The following RAB2A variants were observed in gnomAD, a reference collection of about 807,000 sequenced individuals.
RAB2A encodes RAB2A, member RAS oncogene family.
A neutral mutation model predicts 32.5 loss-of-function variants in RAB2A; 7 were observed. That is an observed-to-expected ratio of 0.22 (90% CI 0.12 to 0.40). The LOEUF (loss-of-function observed/expected upper bound fraction) is 0.40. Ranked by LOEUF, RAB2A falls within the 10% of genes least tolerant of loss-of-function variation. RAB2A has a pLI of 1.00. For missense variants in RAB2A, 108 were observed against 260.7 expected (o/e 0.41, Z 4.03); for synonymous variants, 79 against 85.2 (o/e 0.93, Z 0.40).
rs545920042 is a variant in RAB2A, at chr8:60,610,983, A to G, written c.475-7597A>G. 5.3e-5 allele frequency among the ~76,000 whole-genome samples: 8 copies of G among 152,218 alleles called. No individual in the cohort carries two copies. In the South Asian group the frequency reaches 1.4e-3, roughly 28 times the overall value. On this transcript the variant is annotated intron_variant, in intron 6 of 7. Coordinates refer to ENST00000262646, the MANE Select transcript of RAB2A (RefSeq NM_002865.3). ...ATTTTCTTCCTTTTTAATTTATCTC[A>G]ATTCATGGTATACCCTTTTATCTCA...
chr8:60,594,975 AAGAACTATCAGCCC>A (rs1468112325), intron 6 of RAB2A, among the ~76,000 whole-genome samples: 1 of 152,252 alleles, frequency 6.6e-6, no homozygotes, highest in African/African-American at 2.4e-5. Context: ...GCAGAAAGAA[AAGAACTATCAGCCC>A]AGAATTCTTT....
intron 1 of RAB2A, among the ~76,000 whole-genome samples, chr8:60,533,173 T>C (rs1403137954): frequency 6.6e-6 from 1 of 152,238 alleles, no homozygotes; most frequent in Non-Finnish European, 1.5e-5. Context: ...TTGATTCATA[T>C]GAGTCAGATA....
chr8:60,570,043 A>T (rs756695715), intron 2 of RAB2A: 1 of 456,162 alleles, frequency 2.2e-6, no homozygotes, highest in Non-Finnish European at 4.4e-6. Flanking sequence ...ATCTGCTCGG[A>T]TGGAATGGTC....
chr8:60,516,971 C>T (rs1480569428), upstream of RAB2A: 3 of 414,220 alleles, frequency 7.2e-6, no homozygotes, highest in South Asian at 5.2e-5. Context: ...GGGGCGGAGG[C>T]GCCGCGGCGG....
At chr8:60,616,032 G>A (rs1316374387) in intron 6 of RAB2A, among the ~76,000 whole-genome samples, 1 of 152,136 alleles carries the variant, frequency 6.6e-6, no homozygotes, top group African/African-American at 2.4e-5. Context: ...GAACGACCAA[G>A]TAATGTAGCA....
At position 60,522,852 on chromosome 8, in the gene RAB2A, GTTTGTTTAAAAAAAAAAAT is replaced by G. The variant is rs927078530; in HGVS notation, c.46+5600_46+5618del. Among the ~76,000 whole-genome samples the G allele has an allele frequency of 8.6e-5, 13 of 151,646 alleles. 1 individual carries two copies. The South Asian group carries it at 1.2e-3, about 15-fold the overall frequency. On this transcript the variant is annotated intron_variant, in intron 1 of 7. Coordinates refer to ENST00000262646, the MANE Select transcript of RAB2A (RefSeq NM_002865.3). Reference sequence around the variant, plus strand: ...TTAGATTCTTGTGAATCACTGGAGTGTTTGTTTAAAAAAAAAAATATTCAGCAGCCCAACCCCTAGAGAT... The same window carrying G: ...TTAGATTCTTGTGAATCACTGGAGTGATTCAGCAGCCCAACCCCTAGAGAT...
intron 1 of RAB2A, among the ~76,000 whole-genome samples, chr8:60,533,758 A>G (rs1272106750): frequency 1.3e-5 from 2 of 152,100 alleles, no homozygotes; most frequent in African/African-American, 4.8e-5. Flanking sequence ...ATAGCTTGAG[A>G]TCAGGAGTTC....
In RAB2A at chr8:60,559,906, TATTA is replaced by T. The variant is rs576100211; in HGVS notation, c.118+990_118+993del. Among the ~76,000 whole-genome samples, 29 of 152,374 alleles carry T rather than the reference TATTA, an allele frequency of 1.9e-4. No individual in the cohort carries two copies. The South Asian group carries it at 5.6e-3, about 29-fold the overall frequency. Reference sequence around the variant, plus strand: ...CAGAGATAGAGCTCATGAATCACATTATTAATTAATAGTTTTCAACCAAGCTACA... The same window carrying T: ...CAGAGATAGAGCTCATGAATCACATTATTAATAGTTTTCAACCAAGCTACA... On this transcript the variant is annotated intron_variant, in intron 2 of 7. Transcript: ENST00000262646.
At chr8:60,556,981 T>G (rs1473197177) in intron 1 of RAB2A, among the ~76,000 whole-genome samples, 1 of 152,240 alleles carries the variant, frequency 6.6e-6, no homozygotes, top group Non-Finnish European at 1.5e-5. Context: ...ATCATTTTTC[T>G]TTCATGCTAG....
At chr8:60,604,149 C>G (rs1397273159) in intron 6 of RAB2A, among the ~76,000 whole-genome samples, 3 of 152,170 alleles carry the variant, frequency 2.0e-5, no homozygotes. Flanking sequence ...ACCTCTTTCT[C>G]TTTCTCCTGC....
Position 60,517,124 on chromosome 8 carries a change from C to T in RAB2A, c.-84C>T. The T allele has an allele frequency of 1.5e-6, 2 of 1,377,428 alleles. No individual in the cohort carries two copies. Among genetic ancestry groups the T allele is most frequent in the Admixed American group, 3.1e-5 (1 of 32,670 alleles). 85.3% of individuals were successfully genotyped at this position (1,377,428 alleles called of 1,614,324 possible). ...GCGGGCGGCGCCTGGCGTTTCGAGGCTGAGCGGCACCGGGGTTGGGGCGCG... is the reference window on the plus strand; with the variant it reads ...GCGGGCGGCGCCTGGCGTTTCGAGGTTGAGCGGCACCGGGGTTGGGGCGCG... On this transcript the variant is annotated 5_prime_UTR_variant, in exon 1 of 8. Transcript: ENST00000262646.
intron 2 of RAB2A, among the ~76,000 whole-genome samples, chr8:60,560,718 CTA>C (rs1485283860): frequency 6.6e-6 from 1 of 150,620 alleles, no homozygotes; most frequent in Non-Finnish European, 1.5e-5. Flanking sequence ...TCTTGAAACA[CTA>C]TGAGATTTTT....
rs187759374 is a variant in RAB2A, at chr8:60,621,113, A to C, written c.*344A>C. The C allele has an allele frequency of 3.3e-3, 616 of 186,810 alleles. 4 individuals are homozygous for C. The highest frequency in any genetic ancestry group is 0.013 in the African/African-American group (572 of 42,420). The allele number at this position is 186,810 out of a possible 1,614,324, so 11.6% of individuals were successfully genotyped here. On this transcript the variant is annotated 3_prime_UTR_variant, in exon 8 of 8. Transcript: ENST00000262646. ...TCGGTTTGTGTAGTTAGGTTTCCCA[A>C]CATCTGTGGTTACCTAATGTTTAAT...
intron 6 of RAB2A, among the ~76,000 whole-genome samples, chr8:60,598,946 AAAAAAAAAAAAAAAAAAAAAG>A (rs1804080541): frequency 7.9e-6 from 1 of 125,998 alleles, no homozygotes; most frequent in Non-Finnish European, 1.5e-5. Context: ...GCAAAAAAAA[AAAAAAAAAAAAAAAAAAAAAG>A]AAAAGGCATA....
intron 2 of RAB2A, chr8:60,570,042 G>T (rs1293827405): frequency 2.2e-6 from 1 of 456,168 alleles, no homozygotes; most frequent in South Asian, 1.5e-5. Flanking sequence ...CATCTGCTCG[G>T]ATGGAATGGT....
chr8:60,613,124 C>T (rs1804386756), intron 6 of RAB2A, among the ~76,000 whole-genome samples: 2 of 152,170 alleles, frequency 1.3e-5, no homozygotes, highest in African/African-American at 4.8e-5. Context: ...GCTCATTGTG[C>T]ACATTATATG....
At chr8:60,608,483 CTCTTCCTCTCCTTCTTCCTCTCCT>C (rs60627947) in intron 6 of RAB2A, among the ~76,000 whole-genome samples, 7,829 of 132,898 alleles carry the variant, frequency 0.059, 697 homozygotes, top group African/African-American at 0.21. Context: ...CTCCCTCTCC[CTCTTCCTCTCCTTCTTCCTCTCCT>C]TCTTCCTCTC....
At chr8:60,583,096 G>A (rs886068868) in intron 3 of RAB2A, among the ~76,000 whole-genome samples, 2 of 151,668 alleles carry the variant, frequency 1.3e-5, no homozygotes, top group African/African-American at 4.8e-5. Flanking sequence ...GCAAGGTATT[G>A]TAGAGTGTTG....
intron 6 of RAB2A, among the ~76,000 whole-genome samples, chr8:60,611,801 T>C (rs986575791): frequency 1.3e-5 from 2 of 152,218 alleles, no homozygotes; most frequent in Non-Finnish European, 2.9e-5. Context: ...TTAAATCCAC[T>C]TGAATTACAA....
Sources: gnomAD v4.1 joint callset for allele counts (sites outside exome capture counted in the v4.1 genomes callset) on GRCh38, gnomAD v4.1.1 for gene constraint, MANE v1.5 for transcripts, NCBI Gene and HGNC (gene_info 2026-07-23, HGNC 2026-07-21) for gene names.